Variants in SKA2 observed in about 807,000 individuals in gnomAD.
SKA2 encodes spindle and kinetochore associated complex subunit 2, also known as spindle and kinetochore-associated protein 2.
A neutral mutation model predicts 16.9 loss-of-function variants in SKA2; 13 were observed. The observed-to-expected ratio is 0.77, with a 90% CI of 0.50 to 1.22. The LOEUF is 1.22. Among genes scored for constraint, SKA2 ranks in the 50% most tolerant of loss-of-function variants. The pLI, the probability that SKA2 is intolerant of heterozygous loss-of-function variation, is 0.00. For missense variants in SKA2, 107 were observed against 139.7 expected, an observed-to-expected ratio of 0.77 and a Z score of 1.18; for synonymous variants, 47 against 48.5, an observed-to-expected ratio of 0.97 and a Z score of 0.13.
chr17:59,136,384 G>A (rs961649285), intron 1 of SKA2, among the ~76,000 whole-genome samples: 2 of 151,830 alleles, frequency 1.3e-5, no homozygotes, highest in African/African-American at 2.4e-5. Context: ...GGCTGGTCTC[G>A]AACTCCTGAC....
intron 1 of SKA2, among the ~76,000 whole-genome samples, chr17:59,148,808 C>CAAAA (rs758187008): frequency 3.6e-4 from 17 of 47,530 alleles, no homozygotes; most frequent in African/African-American, 1.1e-3. Context: ...GACCCTGTCT[C>CAAAA]AAAAAAAAAA....
chr17:59,148,560 A>G (rs1215772770), intron 1 of SKA2, among the ~76,000 whole-genome samples: 1 of 152,120 alleles, frequency 6.6e-6, no homozygotes, highest in Admixed American at 6.6e-5. Context: ...GTGGGACTAC[A>G]GTCTTGCGCC....
chr17:59,110,679 A>C lies in SKA2; in HGVS notation c.*1598T>G, dbSNP rs993376603. ...GTGGCGGGCGCCTGTAATCCCAGCT[A>C]CTCGGGAGGGTGGGGCAGAGAACTG... On this transcript the variant is annotated 3_prime_UTR_variant, in exon 4 of 4. Transcript: ENST00000330137. The C allele has an allele frequency of 2.0e-5, 3 of 150,624 alleles. No individual in the cohort carries two copies. The highest frequency in any genetic ancestry group is 2.9e-5 in the Non-Finnish European group (2 of 68,032). 9.3% of individuals were successfully genotyped at this position (150,624 alleles called of 1,614,324 possible). A position where few individuals can be genotyped will look rare whatever the true frequency, so the allele number is the denominator to read the frequency against.
At chr17:59,126,367 G>C (rs868103516) in intron 2 of SKA2, among the ~76,000 whole-genome samples, 3 of 152,158 alleles carry the variant, frequency 2.0e-5, no homozygotes, top group Non-Finnish European at 4.4e-5. Flanking sequence ...GTACTAGAAT[G>C]AGGATAATGC....
At chr17:59,154,804 T>A (rs1338116997) in intron 1 of SKA2, among the ~76,000 whole-genome samples, 1 of 152,096 alleles carries the variant, frequency 6.6e-6, no homozygotes, top group East Asian at 1.9e-4. Context: ...CATTCACATC[T>A]TTTTTGGTAC....
At chr17:59,150,261 C>T (rs934694018) in intron 1 of SKA2, among the ~76,000 whole-genome samples, 9 of 152,060 alleles carry the variant, frequency 5.9e-5, no homozygotes, top group African/African-American at 9.7e-5. Context: ...AGCAAGACTT[C>T]GGCTTTGCTT....
chr17:59,154,338 G>A (rs1192459370), intron 1 of SKA2, among the ~76,000 whole-genome samples: 2 of 152,198 alleles, frequency 1.3e-5, no homozygotes, highest in Admixed American at 1.3e-4. Flanking sequence ...GATCCTTAAA[G>A]AAAACTAGGA....
At position 59,110,616 on chromosome 17, in the gene SKA2, C is replaced by A. The variant is rs946417893; in HGVS notation, c.*1661G>T. 1 of 151,960 alleles carries A rather than the reference C, an allele frequency of 6.6e-6. No homozygotes were observed. The highest frequency in any genetic ancestry group is 1.5e-5 in the Non-Finnish European group (1 of 68,076). 9.4% of individuals were successfully genotyped at this position (151,960 alleles called of 1,614,324 possible). ...CCAGCCTGGTCAAGATGGTGAAGCC[C>A]CATCTCTACTAAAAATACAAAAAAA... On this transcript the variant is annotated 3_prime_UTR_variant, in exon 4 of 4. Coordinates refer to ENST00000330137, the MANE Select transcript of SKA2 (RefSeq NM_182620.4).
In SKA2 at chr17:59,143,548, A is replaced by G. The variant is rs142065917; in HGVS notation, c.33+11583T>C. On this transcript the variant is annotated intron_variant, in intron 1 of 3. Transcript: ENST00000330137. ...AAACGTGCCCAGCTAATTTTTTTGTATTTTAAATAGAGACAGGGTTTCACC... is the reference window on the plus strand; with the variant it reads ...AAACGTGCCCAGCTAATTTTTTTGTGTTTTAAATAGAGACAGGGTTTCACC... Among the ~76,000 whole-genome samples the G allele has an allele frequency of 1.8e-4, 27 of 151,972 alleles. No homozygotes were observed. In the East Asian group the frequency reaches 5.3e-3, roughly 30 times the overall value.
intron 1 of SKA2, among the ~76,000 whole-genome samples, chr17:59,137,599 CT>C (rs1568308039): frequency 6.6e-6 from 1 of 152,166 alleles, no homozygotes; most frequent in Non-Finnish European, 1.5e-5. Context: ...TTTCTTTATA[CT>C]ACAAATAAAC....
At chr17:59,138,428 T>TTTTG (rs1599672947) in intron 1 of SKA2, among the ~76,000 whole-genome samples, 2 of 151,562 alleles carry the variant, frequency 1.3e-5, no homozygotes, top group Admixed American at 1.3e-4. Context: ...CAACCAGTTG[T>TTTTG]TTTGTTTGTT....
At chr17:59,126,315 G>C (rs950757213) in intron 2 of SKA2, among the ~76,000 whole-genome samples, 6 of 152,094 alleles carry the variant, frequency 3.9e-5, no homozygotes, top group Non-Finnish European at 7.4e-5. Context: ...CAAAAATGTT[G>C]ACTTTTATGC....
chr17:59,121,151 CAAAAAAAAA>C (rs71145525), intron 2 of SKA2, among the ~76,000 whole-genome samples: 7 of 99,708 alleles, frequency 7.0e-5, no homozygotes, highest in South Asian at 3.2e-4. Context: ...GACTCCGTCT[CAAAAAAAAA>C]AAAAAAAGAA....
Position 59,153,373 on chromosome 17 carries a change from G to C in SKA2, c.33+1758C>G, listed in dbSNP as rs577397531. Among the ~76,000 whole-genome samples the C allele has an allele frequency of 3.5e-3, 536 of 151,924 alleles. 3 individuals carry two copies. Among genetic ancestry groups the C allele is most frequent in the Non-Finnish European group, 5.1e-3 (344 of 67,966 alleles). The stretch of plus-strand genomic sequence containing the variant: ...TTAAAACTAAAAGTTCATTATTACA[G>C]GTTTGAAAATCTGCAGGAAATTCTT... On this transcript the variant is annotated intron_variant, in intron 1 of 3. Transcript: ENST00000330137.
intron 2 of SKA2, among the ~76,000 whole-genome samples, chr17:59,121,411 T>C (rs145276099): frequency 1.3e-5 from 2 of 151,914 alleles, no homozygotes; most frequent in African/African-American, 4.8e-5. Context: ...TCTCAACACT[T>C]TGGGAAGCCG....
At chr17:59,137,197 T>C (rs1274943595) in intron 1 of SKA2, among the ~76,000 whole-genome samples, 1 of 152,098 alleles carries the variant, frequency 6.6e-6, no homozygotes, top group Non-Finnish European at 1.5e-5. Context: ...TTGTATTTTT[T>C]TGTAGAGACA....
At chr17:59,140,889 C>T (rs1031006235) in intron 1 of SKA2, among the ~76,000 whole-genome samples, 1 of 151,358 alleles carries the variant, frequency 6.6e-6, no homozygotes, top group Non-Finnish European at 1.5e-5. Flanking sequence ...TCCCAAAGTG[C>T]TGGGATTACA....
intron 1 of SKA2, among the ~76,000 whole-genome samples, chr17:59,132,645 A>G (rs1051368135): frequency 2.9e-4 from 44 of 152,250 alleles, no homozygotes; most frequent in African/African-American, 8.7e-4. Flanking sequence ...CCTGGGTAAC[A>G]GAGCAAGACT....
intron 1 of SKA2, among the ~76,000 whole-genome samples, chr17:59,153,874 C>T (rs936825488): frequency 1.3e-5 from 2 of 151,792 alleles, no homozygotes; most frequent in African/African-American, 4.8e-5. Context: ...CAGGTTGAAG[C>T]GATCCTCCTG....
Sources: gnomAD v4.1 joint callset for allele counts (sites outside exome capture counted in the v4.1 genomes callset) on GRCh38, gnomAD v4.1.1 for gene constraint, MANE v1.5 for transcripts, NCBI Gene and HGNC (gene_info 2026-07-23, HGNC 2026-07-21) for gene names.